The following B3GALT1 variants were observed in gnomAD, a reference collection of about 807,000 sequenced individuals.
The protein encoded by B3GALT1 is beta-1,3-galactosyltransferase 1, also known as UDP-Gal:betaGlcNAc beta 1,3-galactosyltransferase, polypeptide 1.
Under a neutral mutation model 23.2 loss-of-function variants are expected in B3GALT1, and 10 were observed. The ratio of observed to expected loss-of-function variants is 0.43; its 90% CI spans 0.27 to 0.73. The LOEUF is 0.73. Among genes scored for constraint, B3GALT1 ranks in the 30% least tolerant of loss-of-function variants. The pLI, the probability that B3GALT1 is intolerant of heterozygous loss-of-function variation, is 0.21. For missense variants in B3GALT1, 299 were observed against 405.4 expected (o/e 0.74, Z 2.25); for synonymous variants, 156 against 141.5 (o/e 1.10, Z -0.73).
At chr2:167,568,009 T>C (rs1684207867) in intron 2 of B3GALT1, among the ~76,000 whole-genome samples, 1 of 152,130 alleles carries the variant, frequency 6.6e-6, no homozygotes, top group South Asian at 2.1e-4. Context: ...GATCAACTGA[T>C]TTTACTTAGT....
intron 2 of B3GALT1, among the ~76,000 whole-genome samples, chr2:167,559,229 A>G (rs1462624332): frequency 1.3e-5 from 2 of 152,246 alleles, no homozygotes; most frequent in African/African-American, 2.4e-5. Context: ...GCAAACTCCA[A>G]CAGACCTGCA....
chr2:167,374,900 G>T (rs1466498740), intron 1 of B3GALT1, among the ~76,000 whole-genome samples: 1 of 151,992 alleles, frequency 6.6e-6, no homozygotes, highest in Non-Finnish European at 1.5e-5. Context: ...TGAGGAGTTA[G>T]TCATAAATTG....
At chr2:167,424,894 G>T (rs1242262859) in intron 1 of B3GALT1, among the ~76,000 whole-genome samples, 2 of 152,206 alleles carry the variant, frequency 1.3e-5, no homozygotes, top group East Asian at 3.9e-4. Flanking sequence ...GCGAGCATAG[G>T]AGGAGAAAGA....
chr2:167,396,515 C>T (rs1698098295), intron 1 of B3GALT1, among the ~76,000 whole-genome samples: 1 of 107,564 alleles, frequency 9.3e-6, no homozygotes, highest in South Asian at 3.7e-4. Flanking sequence ...CAAAAGTCTG[C>T]AAATATATAT....
At chr2:167,867,788 T>A (rs900833657) in intron 4 of B3GALT1, among the ~76,000 whole-genome samples, 1 of 152,186 alleles carries the variant, frequency 6.6e-6, no homozygotes, top group African/African-American at 2.4e-5. Flanking sequence ...ATTTTTTACA[T>A]GAATGGACTT....
chr2:167,501,658 T>C (rs970755410), intron 2 of B3GALT1, among the ~76,000 whole-genome samples: 6 of 150,138 alleles, frequency 4.0e-5, no homozygotes, highest in Non-Finnish European at 1.5e-5. Flanking sequence ...TTCCAAATTT[T>C]GAAAACTTTT....
intron 4 of B3GALT1, among the ~76,000 whole-genome samples, chr2:167,825,743 C>T (rs187692936): frequency 3.7e-4 from 56 of 152,244 alleles, no homozygotes; most frequent in Non-Finnish European, 5.4e-4. Context: ...GTGCATCTGC[C>T]CCTCTGACTT....
chr2:167,720,530 A>G (rs1035958222), intron 3 of B3GALT1, among the ~76,000 whole-genome samples: 6 of 152,176 alleles, frequency 3.9e-5, no homozygotes, highest in Non-Finnish European at 2.9e-5. Flanking sequence ...CATGAAGAGG[A>G]TCTCATTTGG....
At chr2:167,395,762 CAAG>C (rs1698084111) in intron 1 of B3GALT1, among the ~76,000 whole-genome samples, 1 of 151,366 alleles carries the variant, frequency 6.6e-6, no homozygotes, top group South Asian at 2.1e-4. Context: ...CTTGGATATT[CAAG>C]AAGATAATTC....
intron 2 of B3GALT1, among the ~76,000 whole-genome samples, chr2:167,504,443 G>A (rs547671949): frequency 3.3e-5 from 5 of 152,294 alleles, no homozygotes; most frequent in African/African-American, 1.2e-4. Context: ...GTCCTGCTTT[G>A]ATCTGTTTTG....
chr2:167,661,138 A>G (rs750556932), intron 3 of B3GALT1, among the ~76,000 whole-genome samples: 10 of 152,138 alleles, frequency 6.6e-5, no homozygotes, highest in Non-Finnish European at 1.2e-4. Context: ...CATCCTACAA[A>G]AGAAATTAAT....
In B3GALT1 at chr2:167,490,413, C is replaced by A. The variant is rs551200480; in HGVS notation, c.-410+136C>A. 3.3e-5 allele frequency: 5 copies of A among 152,302 alleles called. No individual in the cohort carries two copies. The East Asian group carries it at 9.6e-4, about 29-fold the overall frequency. 9.4% of individuals were successfully genotyped at this position (152,302 alleles called of 1,614,324 possible). A position where few individuals can be genotyped will look rare whatever the true frequency, so the allele number is the denominator to read the frequency against. ...GCTTTGTAGTATTTCATGCTTTATA[C>A]CTTTCATGTGAAATATGATCAGAAA... On this transcript the variant is annotated intron_variant, in intron 2 of 4. Transcript: ENST00000392690.
intron 1 of B3GALT1, among the ~76,000 whole-genome samples, chr2:167,372,799 A>G (rs1376012894): frequency 1.3e-5 from 2 of 152,114 alleles, no homozygotes; most frequent in Non-Finnish European, 2.9e-5. Context: ...GAAAACTAGA[A>G]AACGTTGCTG....
At chr2:167,319,704 A>G (rs996360439) in intron 1 of B3GALT1, among the ~76,000 whole-genome samples, 2 of 152,090 alleles carry the variant, frequency 1.3e-5, no homozygotes, top group Non-Finnish European at 2.9e-5. Flanking sequence ...AGAAAAAGAT[A>G]TATATAATGT....
At chr2:167,451,956 A>G (rs1355915908) in intron 1 of B3GALT1, among the ~76,000 whole-genome samples, 1 of 152,122 alleles carries the variant, frequency 6.6e-6, no homozygotes, top group Non-Finnish European at 1.5e-5. Flanking sequence ...GCAGGCTGCC[A>G]GGGAAGTGGA....
intron 1 of B3GALT1, among the ~76,000 whole-genome samples, chr2:167,471,806 A>G (rs1488042892): frequency 1.3e-5 from 2 of 152,192 alleles, no homozygotes; most frequent in Non-Finnish European, 2.9e-5. Flanking sequence ...TACATGGTCC[A>G]TTAGTCACCA....
chr2:167,339,041 C>T (rs1190694459), intron 1 of B3GALT1, among the ~76,000 whole-genome samples: 2 of 152,078 alleles, frequency 1.3e-5, no homozygotes, highest in African/African-American at 4.8e-5. Context: ...GAATTATTAT[C>T]TTGGAGAACA....
At chr2:167,801,975 T>C (rs1369679860) in intron 3 of B3GALT1, among the ~76,000 whole-genome samples, 1 of 152,160 alleles carries the variant, frequency 6.6e-6, no homozygotes, top group African/African-American at 2.4e-5. Flanking sequence ...CCAACTACAA[T>C]CTCCTGGTGT....
At chr2:167,448,162 T>C (rs1360622138) in intron 1 of B3GALT1, among the ~76,000 whole-genome samples, 1 of 152,244 alleles carries the variant, frequency 6.6e-6, no homozygotes, top group East Asian at 1.9e-4. Context: ...CTGGATTAAA[T>C]GGTTGTTCTA....
Sources: allele counts gnomAD v4.1 joint callset (sites outside exome capture counted in the v4.1 genomes callset), GRCh38; gene constraint gnomAD v4.1.1; transcripts MANE v1.5; gene names NCBI Gene and HGNC (gene_info 2026-07-23, HGNC 2026-07-21).